Variants in DYNC1I1 observed in about 807,000 individuals in gnomAD.
DYNC1I1 encodes the protein dynein cytoplasmic 1 intermediate chain 1, also known as cytoplasmic dynein 1 intermediate chain 1.
In DYNC1I1, 43 loss-of-function variants were observed where a neutral mutation model predicts 86.6. The ratio of observed to expected loss-of-function variants is 0.50; its 90% CI spans 0.39 to 0.64. The LOEUF is 0.64. DYNC1I1 is among the 30% of genes least tolerant of loss of function. DYNC1I1 has a pLI of 0.00. For synonymous variants in DYNC1I1, 262 were observed against 283.7 expected, an observed-to-expected ratio of 0.92 and a Z score of 0.77; for missense variants, 604 against 788.8, an observed-to-expected ratio of 0.77 and a Z score of 2.81.
Position 95,941,684 on chromosome 7 carries a change from G to A in DYNC1I1, c.491-35828G>A, listed in dbSNP as rs10085645. On this transcript the variant is annotated intron_variant, in intron 6 of 16. Coordinates refer to ENST00000447467, the MANE Select transcript of DYNC1I1 (RefSeq NM_001135556.2). ...CGCAGTCTTGGGGTGGGAGTGACCC[G>A]ATTTTCCAGGTGCCATCTGTCACCC... Among the ~76,000 whole-genome samples the A allele has an allele frequency of 5.0e-3, 768 of 152,282 alleles. 9 individuals carry two copies. Among genetic ancestry groups the A allele is most frequent in the African/African-American group, 0.018 (739 of 41,548 alleles).
intron 6 of DYNC1I1, among the ~76,000 whole-genome samples, chr7:95,967,288 T>G (rs1204984331): frequency 6.6e-6 from 1 of 152,176 alleles, no homozygotes; most frequent in African/African-American, 2.4e-5. Context: ...ACTGAAGTGC[T>G]ATGAGAGGTT....
In DYNC1I1 at chr7:95,957,121, A is replaced by G. The variant is rs564509314; in HGVS notation, c.491-20391A>G. On this transcript the variant is annotated intron_variant, in intron 6 of 16. Transcript: ENST00000447467. ...ATAATCTTGGTTTGCAATAGGGGCA[A>G]TATAATGAATAAATGATTGTAAAAT... Among the ~76,000 whole-genome samples the G allele has an allele frequency of 1.2e-4, 18 of 152,308 alleles. No homozygotes were observed. The East Asian group carries it at 3.5e-3, about 29-fold the overall frequency.
At chr7:95,939,018 A>G (rs539023350) in intron 6 of DYNC1I1, among the ~76,000 whole-genome samples, 4 of 152,226 alleles carry the variant, frequency 2.6e-5, no homozygotes, top group African/African-American at 9.6e-5. Flanking sequence ...ATTGGTTTCA[A>G]AGAACATCTT....
chr7:95,973,773 C>A (rs79619755), intron 6 of DYNC1I1, among the ~76,000 whole-genome samples: 11,373 of 152,132 alleles, frequency 0.075, 1,313 homozygotes, highest in African/African-American at 0.25. Context: ...AAAATAAACA[C>A]CCTTATAGCT....
chr7:95,904,686 G>T (rs1244731910), intron 6 of DYNC1I1, among the ~76,000 whole-genome samples: 1 of 151,912 alleles, frequency 6.6e-6, no homozygotes, highest in Non-Finnish European at 1.5e-5. Context: ...TATATATACA[G>T]ACATCCCAAT....
intron 7 of DYNC1I1, among the ~76,000 whole-genome samples, chr7:95,982,757 G>A (rs748900467): frequency 5.3e-5 from 8 of 152,084 alleles, no homozygotes; most frequent in Non-Finnish European, 7.4e-5. Flanking sequence ...TAGTATTCTT[G>A]TTTAGTCAGG....
chr7:96,053,780 T>C (rs1370837822), intron 14 of DYNC1I1, among the ~76,000 whole-genome samples: 2 of 152,220 alleles, frequency 1.3e-5, no homozygotes, highest in Non-Finnish European at 2.9e-5. Context: ...TGTTCATCTT[T>C]ATCCCGTGTC....
At chr7:95,867,956 G>A (rs1790057375) in intron 5 of DYNC1I1, among the ~76,000 whole-genome samples, 1 of 152,142 alleles carries the variant, frequency 6.6e-6, no homozygotes, top group Non-Finnish European at 1.5e-5. Context: ...TCTGACCCAG[G>A]GAGGTTTTAA....
chr7:95,939,529 T>C (rs2116438882), intron 6 of DYNC1I1, among the ~76,000 whole-genome samples: 1 of 151,954 alleles, frequency 6.6e-6, no homozygotes, highest in East Asian at 1.9e-4. Context: ...TCTTGTTGAA[T>C]TGATCCCTTT....
intron 6 of DYNC1I1, among the ~76,000 whole-genome samples, chr7:95,964,413 G>A (rs1456998258): frequency 6.6e-6 from 1 of 152,174 alleles, no homozygotes; most frequent in Non-Finnish European, 1.5e-5. Flanking sequence ...CCATTGCTCT[G>A]CTGGCCTATA....
chr7:95,949,276 G>A (rs1584191508), intron 6 of DYNC1I1, among the ~76,000 whole-genome samples: 1 of 152,222 alleles, frequency 6.6e-6, no homozygotes, highest in Non-Finnish European at 1.5e-5. Context: ...CCAGTTCAGG[G>A]TCTGGTTCTG....
At chr7:96,001,898 G>A (rs938190422) in intron 10 of DYNC1I1, among the ~76,000 whole-genome samples, 3 of 152,132 alleles carry the variant, frequency 2.0e-5, no homozygotes, top group South Asian at 2.1e-4. Context: ...TGGTGAACTT[G>A]CTTTGAAATG....
chr7:95,883,538 A>G (rs1199214796), intron 6 of DYNC1I1, among the ~76,000 whole-genome samples: 1 of 152,208 alleles, frequency 6.6e-6, no homozygotes, highest in Non-Finnish European at 1.5e-5. Flanking sequence ...CATGGTGGTG[A>G]AATTTTAAAA....
intron 16 of DYNC1I1, among the ~76,000 whole-genome samples, chr7:96,096,523 C>CA (rs997103967): frequency 6.6e-6 from 1 of 152,064 alleles, no homozygotes; most frequent in African/African-American, 2.4e-5. Flanking sequence ...TTCTCATCCT[C>CA]AAATTTTTTT....
At position 95,869,949 on chromosome 7, in the gene DYNC1I1, G is replaced by C; in HGVS notation, c.441G>C (p.Val147=). ...TGGATTTCCTGCCAAGGGAAGTAGTGTCCTACTCAAAGGAGACCCAGACTC... is the reference window on the plus strand; with the variant it reads ...TGGATTTCCTGCCAAGGGAAGTAGTCTCCTACTCAAAGGAGACCCAGACTC... ...TQVDFLPREV[V]SYSKETQTPL... is the part of the protein sequence containing the mutation. Residue 147 remains valine, a synonymous_variant, in exon 6 of 17, where the codon GTG becomes GTC. Coordinates refer to ENST00000447467, the MANE Select transcript of DYNC1I1 (RefSeq NM_001135556.2). 1.2e-6 allele frequency: 2 copies of C among 1,614,012 alleles called. No homozygotes were observed. Among genetic ancestry groups the C allele is most frequent in the South Asian group, 2.2e-5 (2 of 91,044 alleles).
At chr7:95,773,596 G>C (rs1274718344) in intron 1 of DYNC1I1, among the ~76,000 whole-genome samples, 1 of 152,152 alleles carries the variant, frequency 6.6e-6, no homozygotes, top group African/African-American at 2.4e-5. Flanking sequence ...ACAACATGCA[G>C]AAGATGGAAT....
intron 16 of DYNC1I1, among the ~76,000 whole-genome samples, chr7:96,085,496 C>T (rs1436081965): frequency 6.6e-6 from 1 of 152,044 alleles, no homozygotes; most frequent in Non-Finnish European, 1.5e-5. Flanking sequence ...TTATATAGCA[C>T]ACATTTTTGG....
chr7:95,909,165 G>A (rs1328255011), intron 6 of DYNC1I1, among the ~76,000 whole-genome samples: 1 of 138,110 alleles, frequency 7.2e-6, no homozygotes, highest in Non-Finnish European at 1.5e-5. Flanking sequence ...AGAAAGAGGA[G>A]CTCAGTAATG....
At chr7:95,871,412 C>T (rs948658528) in intron 6 of DYNC1I1, among the ~76,000 whole-genome samples, 1 of 152,132 alleles carries the variant, frequency 6.6e-6, no homozygotes, top group African/African-American at 2.4e-5. Flanking sequence ...TGAGAGTTCA[C>T]CTAGTCTATC....
Sources: gnomAD v4.1 joint callset for allele counts (sites outside exome capture counted in the v4.1 genomes callset) on GRCh38, gnomAD v4.1.1 for gene constraint, MANE v1.5 for transcripts, NCBI Gene and HGNC (gene_info 2026-07-23, HGNC 2026-07-21) for gene names.